The following MIR2052HG variants were observed in gnomAD, a reference collection of about 807,000 sequenced individuals.
MIR2052HG encodes MIR2052 host gene.
chr8:74,604,583 C>CTTTTTTTTTTTT lies in MIR2052HG; in HGVS notation n.128+4689_128+4700dup, dbSNP rs35641908. Among the ~76,000 whole-genome samples, 8 of 50,008 alleles carry CTTTTTTTTTTTT rather than the reference C, an allele frequency of 1.6e-4. 1 individual carries two copies. The highest frequency in any genetic ancestry group is 2.5e-4 in the Non-Finnish European group (7 of 28,164). The allele number at this position is 50,008 out of a possible 152,430, so 32.8% of individuals were successfully genotyped here. A position where few individuals can be genotyped will look rare whatever the true frequency, so the allele number is the denominator to read the frequency against. On this transcript the variant is annotated intron_variant and non_coding_transcript_variant, in intron 1 of 6. Transcript: ENST00000523442. ...GCTCTGGGCCGGCCTTGTTTCTTTA[C>CTTTTTTTTTTTT]TTTTTTTTTTTTTTTTTTTTTTTTT...
intron 1 of MIR2052HG, chr8:74,603,860 C>T: frequency 1.1e-6 from 1 of 935,432 alleles, no homozygotes; most frequent in Non-Finnish European, 1.8e-6. Context: ...TAGACCTGAG[C>T]CCCTGTACTC....
intron 1 of MIR2052HG, among the ~76,000 whole-genome samples, chr8:74,604,608 T>TC (rs869285998): frequency 7.1e-6 from 1 of 140,194 alleles, no homozygotes; most frequent in African/African-American, 2.8e-5. Context: ...TTTTTTTTTT[T>TC]CTGAGACGGA....
At chr8:74,612,314 A>G (rs1394726751) in intron 1 of MIR2052HG, 1 of 153,526 alleles carries the variant, frequency 6.5e-6, no homozygotes, top group Non-Finnish European at 1.4e-5. Context: ...TCATTCAGAG[A>G]ACTGTCCTGC....
intron 2 of MIR2052HG, among the ~76,000 whole-genome samples, chr8:74,622,720 A>G (rs1808380157): frequency 6.6e-6 from 1 of 152,172 alleles, no homozygotes; most frequent in Admixed American, 6.5e-5. Context: ...GGCTATTATT[A>G]AAAAGAGAAA....
intron 2 of MIR2052HG, among the ~76,000 whole-genome samples, chr8:74,700,666 C>T (rs1487220016): frequency 6.6e-6 from 1 of 152,040 alleles, no homozygotes; most frequent in East Asian, 1.9e-4. Flanking sequence ...ACTTATAGAT[C>T]ACTAGCCTTG....
intron 2 of MIR2052HG, among the ~76,000 whole-genome samples, chr8:74,664,141 G>A (rs577483097): frequency 6.8e-6 from 1 of 146,618 alleles, no homozygotes; most frequent in African/African-American, 2.5e-5. Context: ...GTGGGAAGGC[G>A]GTGTGTGATA....
chr8:74,625,861 T>G (rs1173380781), intron 2 of MIR2052HG, among the ~76,000 whole-genome samples: 1 of 152,212 alleles, frequency 6.6e-6, no homozygotes, highest in Non-Finnish European at 1.5e-5. Context: ...GTTGATAAAA[T>G]TTTTGAACAA....
At chr8:74,708,081 C>A (rs1809429298) in intron 4 of MIR2052HG, among the ~76,000 whole-genome samples, 1 of 152,102 alleles carries the variant, frequency 6.6e-6, no homozygotes. Flanking sequence ...AATAGAGAGT[C>A]TTCGGCTTTC....
chr8:74,674,933 G>A (rs573305024), intron 2 of MIR2052HG, among the ~76,000 whole-genome samples: 1 of 151,822 alleles, frequency 6.6e-6, no homozygotes, highest in Non-Finnish European at 1.5e-5. Flanking sequence ...ACCAATAACA[G>A]GCTTTTATTG....
chr8:74,745,928 A>G (rs935492414), intron 4 of MIR2052HG, among the ~76,000 whole-genome samples: 4 of 152,216 alleles, frequency 2.6e-5, no homozygotes, highest in Non-Finnish European at 4.4e-5. Flanking sequence ...CAGCAATTCT[A>G]TGAAGTCAAC....
intron 2 of MIR2052HG, among the ~76,000 whole-genome samples, chr8:74,670,566 C>T (rs762816410): frequency 2.6e-5 from 4 of 152,016 alleles, no homozygotes; most frequent in Admixed American, 6.6e-5. Context: ...CCAAGAGATA[C>T]GCTAATCACT....
intron 1 of MIR2052HG, chr8:74,603,754 A>G (rs1197812354): frequency 2.2e-5 from 19 of 850,246 alleles, no homozygotes; most frequent in Admixed American, 6.8e-5. Flanking sequence ...CAACATGACC[A>G]CACAGATCTG....
intron 4 of MIR2052HG, among the ~76,000 whole-genome samples, chr8:74,713,861 A>C (rs1809494716): frequency 1.3e-5 from 2 of 152,274 alleles, no homozygotes; most frequent in South Asian, 4.2e-4. Flanking sequence ...GTCCCACCCT[A>C]AAGAAAAACC....
intron 2 of MIR2052HG, among the ~76,000 whole-genome samples, chr8:74,674,165 T>C (rs1421784716): frequency 2.1e-5 from 3 of 142,702 alleles, no homozygotes; most frequent in Non-Finnish European, 4.6e-5. Flanking sequence ...TGTGTGTGTG[T>C]GTATCATTTA....
At chr8:74,691,560 G>A (rs968556352) in intron 2 of MIR2052HG, among the ~76,000 whole-genome samples, 1 of 152,164 alleles carries the variant, frequency 6.6e-6, no homozygotes, top group African/African-American at 2.4e-5. Flanking sequence ...AAATAGAGCT[G>A]GGAGCTGCGA....
At chr8:74,754,869 A>C (rs1173786676) in intron 5 of MIR2052HG, among the ~76,000 whole-genome samples, 1 of 152,212 alleles carries the variant, frequency 6.6e-6, no homozygotes, top group Admixed American at 6.5e-5. Context: ...CTCTCACTAC[A>C]AACTAGGCAA....
intron 2 of MIR2052HG, among the ~76,000 whole-genome samples, chr8:74,663,304 A>T (rs1345093401): frequency 6.6e-6 from 1 of 152,184 alleles, no homozygotes; most frequent in Non-Finnish European, 1.5e-5. Flanking sequence ...TAATTCTCTG[A>T]CTTTGATTCT....
At chr8:74,623,132 G>C (rs1808386983) in intron 2 of MIR2052HG, among the ~76,000 whole-genome samples, 1 of 152,190 alleles carries the variant, frequency 6.6e-6, no homozygotes. Flanking sequence ...TTGTAAAAGA[G>C]TAGATTTTAG....
intron 2 of MIR2052HG, among the ~76,000 whole-genome samples, chr8:74,679,999 AAAG>A (rs1235561775): frequency 6.6e-6 from 1 of 152,216 alleles, no homozygotes; most frequent in African/African-American, 2.4e-5. Flanking sequence ...ATACTGGAAG[AAAG>A]AAGGATAATT....
Sources: gnomAD v4.1 joint callset for allele counts (sites outside exome capture counted in the v4.1 genomes callset) on GRCh38, gnomAD v4.1.1 for gene constraint, MANE v1.5 for transcripts, NCBI Gene and HGNC (gene_info 2026-07-23, HGNC 2026-07-21) for gene names.